ACAN: variants seen among roughly 807,000 people sequenced by gnomAD.
The protein encoded by ACAN is aggrecan core protein.
Under a neutral mutation model 169.1 loss-of-function variants are expected in ACAN, and 47 were observed. That is an observed-to-expected ratio of 0.28 (90% CI 0.22 to 0.35). The LOEUF (loss-of-function observed/expected upper bound fraction) is 0.35. Ranked by LOEUF, ACAN falls within the 10% of genes least tolerant of loss-of-function variation. The pLI is 1.00. For missense variants in ACAN, 2,716 were observed against 2,759.9 expected, an observed-to-expected ratio of 0.98 and a Z score of 0.36; for synonymous variants, 1,115 against 1,112.2, an observed-to-expected ratio of 1.00 and a Z score of -0.05.
intron 13 of ACAN, among the ~76,000 whole-genome samples, chr15:88,864,674 T>C (rs951982836): frequency 5.3e-5 from 8 of 152,256 alleles, no homozygotes; most frequent in African/African-American, 1.9e-4. Context: ...TTAGTGTATC[T>C]ACTCAGGTCT....
chr15:88,821,328 G>A (rs59534154), intron 1 of ACAN, among the ~76,000 whole-genome samples: 2,673 of 152,228 alleles, frequency 0.018, 61 homozygotes, highest in African/African-American at 0.056. Context: ...CAGGGGGAAG[G>A]GTTGGGGGAT....
chr15:88,874,187 G>T lies in ACAN; in HGVS notation c.7630+163G>T. ...CACAAATAGCTGACCACTGCCCTTA[G>T]AAGGGCCACGTACTTGTCCCAGGAG... On this transcript the variant is annotated intron_variant, in intron 18 of 18. Transcript: ENST00000560601. This position sits in a 1 kb window ranked among gnomAD's most constrained non-coding sequence, Gnocchi z 7.3. 3 of 1,072,070 alleles carry T rather than the reference G, an allele frequency of 2.8e-6. No homozygotes were observed. Among genetic ancestry groups the T allele is most frequent in the Non-Finnish European group, 2.8e-6 (2 of 724,722 alleles). The allele number at this position is 1,072,070 out of a possible 1,614,324, so 66.4% of individuals were successfully genotyped here.
At chr15:88,815,005 T>C (rs1052502745) in intron 1 of ACAN, among the ~76,000 whole-genome samples, 5 of 150,812 alleles carry the variant, frequency 3.3e-5, no homozygotes, top group African/African-American at 9.8e-5. Flanking sequence ...GAAACTTTGG[T>C]TTTTCTTGTC....
intron 1 of ACAN, among the ~76,000 whole-genome samples, chr15:88,827,476 G>A (rs1896253034): frequency 6.6e-6 from 1 of 152,190 alleles, no homozygotes; most frequent in South Asian, 2.1e-4. Context: ...TAGTTGGGTG[G>A]CTACTTTGTG....
Position 88,869,683 on chromosome 15 carries a change from C to T in ACAN, c.7060+1354C>T, listed in dbSNP as rs1209709632. Among the ~76,000 whole-genome samples, 1 of 152,180 alleles carries T rather than the reference C, an allele frequency of 6.6e-6. No homozygotes were observed. Among genetic ancestry groups the T allele is most frequent in the African/African-American group, 2.4e-5 (1 of 41,438 alleles). ...ATGGAGGCAGGACCCTCACAGGGCT[C>T]TGTACCCTGATGGGGCAGAGAGATG... On this transcript the variant is annotated intron_variant, in intron 14 of 18. Transcript: ENST00000560601. This position sits in a 1 kb window ranked among gnomAD's most constrained non-coding sequence, Gnocchi z 4.2.
At position 88,849,507 on chromosome 15, in the gene ACAN, A is replaced by G. The variant is rs1896879017; in HGVS notation, c.1802A>G (p.His601Arg). ...FQEALEFCES[H>R]NATLATTGQL... is the part of the protein sequence containing the mutation. ...GAAGCACTGGAGTTCTGTGAATCTC[A>G]CAATGCTACGCTGGCCACCACGGGC... The change falls in exon 10 of 19, where the codon CAC becomes CGC. Residue 601 changes from histidine to arginine, a missense_variant. His to Arg is a conservative substitution (Grantham distance 29). Transcript: ENST00000560601. The surrounding 1 kb of genome is among the most constrained non-coding windows in gnomAD (Gnocchi z 5.1). The G allele has an allele frequency of 6.2e-7, 1 of 1,605,070 alleles. No individual in the cohort carries two copies. Among genetic ancestry groups the G allele is most frequent in the South Asian group, 1.1e-5 (1 of 90,150 alleles).
At position 88,874,502 on chromosome 15, in the gene ACAN, C is replaced by A; in HGVS notation, c.*21C>A. On this transcript the variant is annotated 3_prime_UTR_variant, in exon 19 of 19. Transcript: ENST00000560601. This position sits in a 1 kb window ranked among gnomAD's most constrained non-coding sequence, Gnocchi z 7.3. ...ACTGAGAAGAGCTTCCAGGACGCACCCAGGACGCTGAGCCCAGGAGCCTGC... is the reference window on the plus strand; with the variant it reads ...ACTGAGAAGAGCTTCCAGGACGCACACAGGACGCTGAGCCCAGGAGCCTGC... 6.3e-7 allele frequency: 1 copy of A among 1,581,720 alleles called. No individual in the cohort carries two copies. Among genetic ancestry groups the A allele is most frequent in the Non-Finnish European group, 8.6e-7 (1 of 1,163,216 alleles).
At chr15:88,865,625 C>G (rs1174964403) in intron 13 of ACAN, among the ~76,000 whole-genome samples, 2 of 152,122 alleles carry the variant, frequency 1.3e-5, no homozygotes. Flanking sequence ...CTCTCTTTCC[C>G]TATGAAGCCT....
chr15:88,820,455 A>C (rs975836866), intron 1 of ACAN, among the ~76,000 whole-genome samples: 8 of 152,144 alleles, frequency 5.3e-5, no homozygotes, highest in African/African-American at 1.9e-4. Context: ...AATGAAGTCA[A>C]TTTCTATAGC....
At position 88,843,659 on chromosome 15, in the gene ACAN, G is replaced by A; in HGVS notation, c.1051+11G>A. 1 of 1,555,720 alleles carries A rather than the reference G, an allele frequency of 6.4e-7. No homozygotes were observed. Among genetic ancestry groups the A allele is most frequent in the South Asian group, 1.2e-5 (1 of 83,028 alleles). On this transcript the variant is annotated intron_variant, in intron 6 of 18. Transcript: ENST00000560601. This position sits in a 1 kb window ranked among gnomAD's most constrained non-coding sequence, Gnocchi z 4.0. ...CCATCTGCTACACAGGTGGGGCACG[G>A]CTGGTGGTGGGAAGGGAGTTCATGC...
In ACAN at chr15:88,828,893, A is replaced by G. The variant is rs149119483; in HGVS notation, c.-7-7307A>G. 3.1e-3 allele frequency among the ~76,000 whole-genome samples: 466 copies of G among 152,310 alleles called. 5 individuals are homozygous for G. Among genetic ancestry groups the G allele is most frequent in the African/African-American group, 0.011 (439 of 41,566 alleles). On this transcript the variant is annotated intron_variant, in intron 1 of 18. Coordinates refer to ENST00000560601, the MANE Select transcript of ACAN (RefSeq NM_001369268.1). ...ACTCACTCATGTCTGCTATCTCTGG[A>G]TACAGGTTTGTCTGCACTCACTAGG...
chr15:88,817,259 G>A (rs1403460865), intron 1 of ACAN, among the ~76,000 whole-genome samples: 3 of 151,840 alleles, frequency 2.0e-5, no homozygotes, highest in Non-Finnish European at 2.9e-5. Context: ...CTTCTGCCTC[G>A]GCCTCCAGAG....
At position 88,841,702 on chromosome 15, in the gene ACAN, C is replaced by T. The variant is rs747412026; in HGVS notation, c.630-38C>T. ...GCAGAGGCCATGGGCTTCCCTTTGT[C>T]CCCTGAGTGTCACACCTCCATTTCG... On this transcript the variant is annotated intron_variant, in intron 4 of 18. Transcript: ENST00000560601. 1.2e-5 allele frequency: 19 copies of T among 1,613,028 alleles called. No homozygotes were observed. In the South Asian group the frequency reaches 1.3e-4, roughly 11 times the overall value.
At position 88,814,214 on chromosome 15, in the gene ACAN, T is replaced by C. The variant is rs565951881; in HGVS notation, c.-8+10405T>C. Among the ~76,000 whole-genome samples, 233 of 152,314 alleles carry C rather than the reference T, an allele frequency of 1.5e-3. No individual in the cohort carries two copies. Among genetic ancestry groups the C allele is most frequent in the Non-Finnish European group, 3.0e-3 (206 of 68,036 alleles). Reference sequence around the variant, plus strand: ...ATTGGGTATAATGACTCCTTCCCGATAGATTTGTTGGGAGGGTAAAATGAG... The same window carrying C: ...ATTGGGTATAATGACTCCTTCCCGACAGATTTGTTGGGAGGGTAAAATGAG... On this transcript the variant is annotated intron_variant, in intron 1 of 18. Transcript: ENST00000560601. The surrounding 1 kb of genome is among the most constrained non-coding windows in gnomAD (Gnocchi z 4.0).
intron 13 of ACAN, among the ~76,000 whole-genome samples, chr15:88,864,370 C>T (rs930511767): frequency 2.6e-5 from 4 of 151,656 alleles, no homozygotes; most frequent in Admixed American, 6.6e-5. Context: ...TGGGTTCAAG[C>T]GATTCTCCTG....
chr15:88,816,241 G>A lies in ACAN; in HGVS notation c.-8+12432G>A, dbSNP rs574286932. On this transcript the variant is annotated intron_variant, in intron 1 of 18. Coordinates refer to ENST00000560601, the MANE Select transcript of ACAN (RefSeq NM_001369268.1). ...ACATTCACAGGCAATGGGGGTTCAGGCTTAGACATAAGGTATCTTTTTTTG... is the reference window on the plus strand; with the variant it reads ...ACATTCACAGGCAATGGGGGTTCAGACTTAGACATAAGGTATCTTTTTTTG... 5.3e-5 allele frequency among the ~76,000 whole-genome samples: 8 copies of A among 152,332 alleles called. No individual in the cohort carries two copies. In the South Asian group the frequency reaches 1.7e-3, roughly 32 times the overall value.
chr15:88,833,886 TACAC>T (rs555804306), intron 1 of ACAN, among the ~76,000 whole-genome samples: 134 of 152,082 alleles, frequency 8.8e-4, no homozygotes, highest in African/African-American at 3.2e-3. Context: ...TCCGAAAACA[TACAC>T]ACAACCTCCC....
Position 88,857,005 on chromosome 15 carries a change from G to T in ACAN, c.4420G>T (p.Gly1474Ter). ...VGDLSGLPSG[G>*]EVLEISVSGV... ...GGACCTCAGTGGACTTCCTTCTGGA[G>T]GAGAAGTTCTAGAGATTTCTGTCTC... The change falls in exon 12 of 19, where the codon GGA (glycine) becomes TGA (stop). Residue 1474 changes from glycine to a stop codon, truncating the protein, a stop_gained. Transcript: ENST00000560601. LOFTEE classifies it high-confidence loss of function. 2 of 1,613,364 alleles carry T rather than the reference G, an allele frequency of 1.2e-6. No individual in the cohort carries two copies. The highest frequency in any genetic ancestry group is 1.7e-6 in the Non-Finnish European group (2 of 1,179,434).
Position 88,869,026 on chromosome 15 carries a change from C to T in ACAN, c.7060+697C>T, listed in dbSNP as rs1302293616. Among the ~76,000 whole-genome samples the T allele has an allele frequency of 2.0e-5, 3 of 152,200 alleles. No homozygotes were observed. The highest frequency in any genetic ancestry group is 6.5e-5 in the Admixed American group (1 of 15,278). On this transcript the variant is annotated intron_variant, in intron 14 of 18. Coordinates refer to ENST00000560601, the MANE Select transcript of ACAN (RefSeq NM_001369268.1). The surrounding 1 kb of genome is among the most constrained non-coding windows in gnomAD (Gnocchi z 4.2). ...CAAGGGGGAGGACTGAGTTACCTCT[C>T]TTGGGCCTTGCCAACCTCTCCATTT...
Sources: allele counts gnomAD v4.1 joint callset (sites outside exome capture counted in the v4.1 genomes callset), GRCh38; gene constraint gnomAD v4.1.1; non-coding constraint Gnocchi (gnomAD v3.1); transcripts MANE v1.5; gene names NCBI Gene and HGNC (gene_info 2026-07-23, HGNC 2026-07-21).